HGF: variants seen among roughly 807,000 people sequenced by gnomAD.
HGF encodes the protein hepatocyte growth factor.
Under a neutral mutation model 111.6 loss-of-function variants are expected in HGF, and 39 were observed. The observed-to-expected ratio is 0.35, with a 90% CI of 0.27 to 0.46. The LOEUF is 0.46. Ranked by LOEUF, HGF falls within the 20% of genes least tolerant of loss-of-function variation. The pLI is 1.00. For missense variants in HGF, 735 were observed against 910.5 expected (o/e 0.81, Z 2.48); for synonymous variants, 285 against 294.8 (o/e 0.97, Z 0.34).
chr7:81,738,502 A>T (rs534288412), intron 7 of HGF, among the ~76,000 whole-genome samples: 58 of 152,128 alleles, frequency 3.8e-4, no homozygotes, highest in Admixed American at 9.2e-4. Flanking sequence ...CCCTCCTGAG[A>T]AATACAGTGT....
At chr7:81,758,620 G>C (rs1267951338) in intron 3 of HGF, 72 bp downstream of exon 3, 26 of 948,010 alleles carry the variant, frequency 2.7e-5, no homozygotes, top group Non-Finnish European at 4.1e-5. Flanking sequence ...AGACCACTCT[G>C]GCAGGAAATT....
At chr7:81,763,060 G>A in intron 1 of HGF, 188 bp from the exon 2 acceptor site, 1 of 569,562 alleles carries the variant, frequency 1.8e-6, no homozygotes, top group South Asian at 2.2e-5. Flanking sequence ...TTGTAATCAA[G>A]GAAAAACAAA....
Position 81,751,822 on chromosome 7 carries a change from G to C in HGF, c.625+298C>G, listed in dbSNP as rs5745648. 8.9e-5 allele frequency: 107 copies of C among 1,205,772 alleles called. No homozygotes were observed. In the African/African-American group the frequency reaches 1.5e-3, roughly 17 times the overall value. 74.7% of individuals were successfully genotyped at this position (1,205,772 alleles called of 1,614,324 possible). A position where few individuals can be genotyped will look rare whatever the true frequency, so the allele number is the denominator to read the frequency against. On this transcript the variant is annotated intron_variant, in intron 5 of 17. Transcript: ENST00000222390. Reference sequence around the variant, plus strand: ...GGTGCCACACAGTAGTAGATTTTGAGGTATGTGAGCTCAAGACAGTAGGTA... The same window carrying C: ...GGTGCCACACAGTAGTAGATTTTGACGTATGTGAGCTCAAGACAGTAGGTA...
At chr7:81,711,647 GT>G in intron 11 of HGF, 128 bp from the exon 12 acceptor site, 1 of 488,808 alleles carries the variant, frequency 2.0e-6, no homozygotes, top group Non-Finnish European at 3.7e-6. Context: ...TGTTGTTGTT[GT>G]TTTGTTTTGT....
intron 7 of HGF, among the ~76,000 whole-genome samples, chr7:81,735,924 G>A (rs990475800): frequency 1.4e-4 from 21 of 151,894 alleles, no homozygotes; most frequent in African/African-American, 3.1e-4. Flanking sequence ...TAAGGCCTCC[G>A]ATCCTACCAG....
intron 7 of HGF, among the ~76,000 whole-genome samples, chr7:81,730,895 A>C (rs550512849): frequency 1.3e-5 from 2 of 152,188 alleles, no homozygotes; most frequent in African/African-American, 4.8e-5. Context: ...ATTTGAGTAA[A>C]TTTCATTGAT....
At chr7:81,769,763 C>A in intron 1 of HGF, 121 bp downstream of exon 1, 1 of 759,990 alleles carries the variant, frequency 1.3e-6, no homozygotes, top group South Asian at 1.5e-5. Context: ...ACCTATACTA[C>A]ATACTGAGTT....
At position 81,762,376 on chromosome 7, in the gene HGF, A is replaced by G. The variant is rs769292; in HGVS notation, c.254+331T>C. Reference sequence around the variant, plus strand: ...TCCTCCATTCCTCTTGCAAGGAAAAAAAAAGTTACTCTGAATAGATATTTT... The same window carrying G: ...TCCTCCATTCCTCTTGCAAGGAAAAGAAAAGTTACTCTGAATAGATATTTT... On this transcript the variant is annotated intron_variant, in intron 2 of 17. Coordinates refer to ENST00000222390, the MANE Select transcript of HGF (RefSeq NM_000601.6). Among the ~76,000 whole-genome samples the G allele has an allele frequency of 9.8e-5, 15 of 152,340 alleles. 1 individual carries two copies. In the South Asian group the frequency reaches 3.1e-3, roughly 32 times the overall value.
chr7:81,728,852 A>G (rs1473826596), intron 8 of HGF, among the ~76,000 whole-genome samples: 1 of 152,226 alleles, frequency 6.6e-6, no homozygotes, highest in Non-Finnish European at 1.5e-5. Context: ...GCTATTTCAG[A>G]AAAGCCACTA....
intron 14 of HGF, 125 bp from the exon 15 acceptor site, chr7:81,706,552 T>A: frequency 5.4e-6 from 4 of 740,804 alleles, no homozygotes; most frequent in Non-Finnish European, 9.0e-6. Flanking sequence ...TGATTCATAG[T>A]ATAATAAAGA....
chr7:81,751,237 C>T, intron 5 of HGF: 1 of 977,424 alleles, frequency 1.0e-6, no homozygotes, highest in African/African-American at 1.7e-5. Flanking sequence ...GTCCCCCTCC[C>T]CAAATACTCC....
intron 1 of HGF, among the ~76,000 whole-genome samples, chr7:81,767,530 C>T (rs1789425449): frequency 6.6e-6 from 1 of 152,184 alleles, no homozygotes; most frequent in Admixed American, 6.5e-5. Flanking sequence ...CCCACATACT[C>T]TTGAATATTA....
At chr7:81,768,598 C>A (rs1789479731) in intron 1 of HGF, among the ~76,000 whole-genome samples, 1 of 152,134 alleles carries the variant, frequency 6.6e-6, no homozygotes, top group Non-Finnish European at 1.5e-5. Context: ...CTAGGATGGT[C>A]TCAATCTCCT....
chr7:81,751,368 G>T (rs544882472), intron 5 of HGF: 1 of 985,186 alleles, frequency 1.0e-6, no homozygotes, highest in East Asian at 1.1e-4. Flanking sequence ...TAAGAAAAAT[G>T]AAACCACATA....
At chr7:81,752,298 C>G (rs1788544861) in intron 4 of HGF, 36 bp from the exon 5 acceptor site, 3 of 1,598,036 alleles carry the variant, frequency 1.9e-6, no homozygotes, top group Non-Finnish European at 2.6e-6. Context: ...AGTATAAGAG[C>G]ATGCAACTTT....
Position 81,706,382 on chromosome 7 carries a change from G to A in HGF, c.1662C>T (p.His554=), listed in dbSNP as rs148098479. The A allele has an allele frequency of 1.1e-4, 177 of 1,611,776 alleles. 2 individuals are homozygous for A. In the East Asian group the frequency reaches 2.8e-3, roughly 25 times the overall value. The change falls in exon 15 of 18, where the codon CAC becomes CAT. Residue 554 remains histidine (H), a synonymous_variant. Coordinates refer to ENST00000222390, the MANE Select transcript of HGF (RefSeq NM_000601.6). ...GTTTGCATTTCTCATCTCCTCTTCC[G>A]TGGACATCATGAATTCCAAGCCAAG... ...YEAWLGIHDV[H]GRGDEKCKQV... is the part of the protein sequence containing the mutation.
At chr7:81,715,890 TAAAAC>T (rs563816860) in intron 11 of HGF, among the ~76,000 whole-genome samples, 83 of 152,316 alleles carry the variant, frequency 5.4e-4, no homozygotes, top group Non-Finnish European at 1.0e-3. Context: ...AAAACATTCT[TAAAAC>T]AAAGTTTTTA....
At chr7:81,711,731 C>G in intron 11 of HGF, among the ~76,000 whole-genome samples, 1 of 152,078 alleles carries the variant, frequency 6.6e-6, no homozygotes, top group South Asian at 2.1e-4. Flanking sequence ...GCAACCTCCC[C>G]CTCTCAGGTT....
intron 12 of HGF, 111 bp downstream of exon 12, chr7:81,711,370 T>C: frequency 3.7e-6 from 2 of 545,768 alleles, no homozygotes. Flanking sequence ...TAGATTAACT[T>C]CTTTTTATAA....
Sources: gnomAD v4.1 joint callset for allele counts (sites outside exome capture counted in the v4.1 genomes callset) on GRCh38, gnomAD v4.1.1 for gene constraint, MANE v1.5 for transcripts, NCBI Gene and HGNC (gene_info 2026-07-23, HGNC 2026-07-21) for gene names.